The following TSPAN12 variants were observed in gnomAD, a reference collection of about 807,000 sequenced individuals.
The protein encoded by TSPAN12 is tetraspanin-12.
In TSPAN12, 19 loss-of-function variants were observed where a neutral mutation model predicts 39.2. The ratio of observed to expected loss-of-function variants is 0.49; its 90% CI spans 0.34 to 0.71. The LOEUF (loss-of-function observed/expected upper bound fraction) is 0.71. Ranked by LOEUF, TSPAN12 falls within the 30% of genes least tolerant of loss-of-function variation. The pLI, the probability that TSPAN12 is intolerant of heterozygous loss-of-function variation, is 0.01. For synonymous variants in TSPAN12, 119 were observed against 124.8 expected, an observed-to-expected ratio of 0.95 and a Z score of 0.31; for missense variants, 314 against 359.9, an observed-to-expected ratio of 0.87 and a Z score of 1.03.
chr7:120,841,911 C>G (rs984141634), intron 2 of TSPAN12, among the ~76,000 whole-genome samples: 5 of 152,220 alleles, frequency 3.3e-5, no homozygotes, highest in Middle Eastern at 3.4e-3. Context: ...AAGAAGTCTT[C>G]CTGGGAAGCT....
intron 4 of TSPAN12, among the ~76,000 whole-genome samples, chr7:120,824,450 A>AT (rs1316775403): frequency 6.6e-6 from 1 of 151,944 alleles, no homozygotes; most frequent in Non-Finnish European, 1.5e-5. Flanking sequence ...CAAAAAAAAA[A>AT]CAAAAACCTA....
At chr7:120,807,822 A>G (rs1281942404) in intron 6 of TSPAN12, among the ~76,000 whole-genome samples, 2 of 152,138 alleles carry the variant, frequency 1.3e-5, no homozygotes, top group African/African-American at 2.4e-5. Context: ...ATGACGAATT[A>G]CTGAAAGCTA....
chr7:120,837,223 T>A (rs1041646615), intron 4 of TSPAN12, among the ~76,000 whole-genome samples: 3 of 152,190 alleles, frequency 2.0e-5, no homozygotes, highest in Non-Finnish European at 2.9e-5. Context: ...ATTTCCACCA[T>A]TCTCCCTTTC....
At chr7:120,806,440 C>T in intron 7 of TSPAN12, 109 bp downstream of exon 7, 1 of 1,308,746 alleles carries the variant, frequency 7.6e-7, no homozygotes, top group Non-Finnish European at 1.1e-6. Flanking sequence ...ATTTTAAGGC[C>T]TTTTACATTT....
Position 120,788,533 on chromosome 7 carries a change from C to T in TSPAN12, c.*59G>A. 6.3e-7 allele frequency: 1 copy of T among 1,593,582 alleles called. No homozygotes were observed. Among genetic ancestry groups the T allele is most frequent in the African/African-American group, 1.3e-5 (1 of 74,522 alleles). On this transcript the variant is annotated 3_prime_UTR_variant, in exon 8 of 8. Transcript: ENST00000222747. ...ATATTTCTGAAACACATAGTATGTACTCAAAAATTCACAAGTCCAGTAAAA... is the reference window on the plus strand; with the variant it reads ...ATATTTCTGAAACACATAGTATGTATTCAAAAATTCACAAGTCCAGTAAAA...
At chr7:120,814,811 C>T (rs748747545) in intron 5 of TSPAN12, among the ~76,000 whole-genome samples, 5 of 152,096 alleles carry the variant, frequency 3.3e-5, no homozygotes, top group Non-Finnish European at 7.4e-5. Context: ...TGATGAATAG[C>T]TATTTTCAAG....
At chr7:120,831,195 A>C (rs561579128) in intron 4 of TSPAN12, among the ~76,000 whole-genome samples, 20 of 152,166 alleles carry the variant, frequency 1.3e-4, no homozygotes, top group African/African-American at 4.8e-4. Flanking sequence ...ACACTGTTTG[A>C]GTAAATATAA....
intron 6 of TSPAN12, 70 bp downstream of exon 6, chr7:120,810,393 G>T: frequency 1.0e-6 from 1 of 989,628 alleles, no homozygotes; most frequent in Non-Finnish European, 1.6e-6. Flanking sequence ...CAAAGCTAAA[G>T]CTTTAAACAT....
chr7:120,821,187 C>A (rs548520355), intron 4 of TSPAN12, among the ~76,000 whole-genome samples: 14 of 152,092 alleles, frequency 9.2e-5, no homozygotes, highest in African/African-American at 2.9e-4. Context: ...TATAGACCAA[C>A]TAAAACTTGT....
At chr7:120,830,353 CA>C (rs1463339576) in intron 4 of TSPAN12, among the ~76,000 whole-genome samples, 1 of 151,908 alleles carries the variant, frequency 6.6e-6, no homozygotes, top group African/African-American at 2.4e-5. Context: ...TAACCCTGAG[CA>C]AAAACAACAA....
rs577821546 is a variant in TSPAN12 at position 120,829,093 on chromosome 7, C to A, written c.285+9684G>T. Among the ~76,000 whole-genome samples the A allele has an allele frequency of 4.9e-4, 75 of 152,158 alleles. 1 individual carries two copies. Among genetic ancestry groups the A allele is most frequent in the African/African-American group, 1.6e-3 (65 of 41,538 alleles). ...AATAACCACTTATTTTAGAATAATT[C>A]AAATGCGCTGCTTAACAGAAATACA... On this transcript the variant is annotated intron_variant, in intron 4 of 7. Transcript: ENST00000222747.
At chr7:120,828,427 G>A (rs148268457) in intron 4 of TSPAN12, among the ~76,000 whole-genome samples, 585 of 152,194 alleles carry the variant, frequency 3.8e-3, no homozygotes, top group Non-Finnish European at 5.7e-3. Context: ...AGACATACAT[G>A]TGCCCTTCTC....
chr7:120,788,367 A>T lies in TSPAN12; in HGVS notation c.*225T>A. 1 of 562,570 alleles carries T rather than the reference A, an allele frequency of 1.8e-6. No homozygotes were observed. Among genetic ancestry groups the T allele is most frequent in the East Asian group, 3.2e-5 (1 of 31,522 alleles). 34.8% of individuals were successfully genotyped at this position (562,570 alleles called of 1,614,324 possible). A position where few individuals can be genotyped will look rare whatever the true frequency, so the allele number is the denominator to read the frequency against. The stretch of plus-strand genomic sequence containing the variant: ...GTCATACACAGGCTACACAGTGGGT[A>T]TGACATCTGTCTTCAGCATTTTAAG... On this transcript the variant is annotated 3_prime_UTR_variant, in exon 8 of 8. Coordinates refer to ENST00000222747, the MANE Select transcript of TSPAN12 (RefSeq NM_012338.4).
intron 2 of TSPAN12, among the ~76,000 whole-genome samples, chr7:120,853,346 C>A (rs945867919): frequency 1.3e-5 from 2 of 151,450 alleles, no homozygotes; most frequent in African/African-American, 4.8e-5. Context: ...CCTGCCTTGG[C>A]CTCCCAAAGT....
At chr7:120,853,588 T>C (rs963739237) in intron 2 of TSPAN12, among the ~76,000 whole-genome samples, 2 of 149,806 alleles carry the variant, frequency 1.3e-5, no homozygotes, top group Middle Eastern at 3.3e-3. Context: ...GAAAATTATA[T>C]TACAGGCCGG....
At chr7:120,828,356 T>C (rs1297359983) in intron 4 of TSPAN12, among the ~76,000 whole-genome samples, 3 of 152,138 alleles carry the variant, frequency 2.0e-5, no homozygotes, top group Non-Finnish European at 4.4e-5. Context: ...ATGCATGACA[T>C]TCAATTTGGC....
chr7:120,855,523 G>A (rs6958947), intron 2 of TSPAN12, among the ~76,000 whole-genome samples: 61,605 of 152,028 alleles, frequency 0.41, 15,094 homozygotes, highest in African/African-American at 0.69. Flanking sequence ...TAAAAATCAA[G>A]CTTTTAAGAA....
At chr7:120,842,166 G>A (rs1282867353) in intron 2 of TSPAN12, among the ~76,000 whole-genome samples, 1 of 152,140 alleles carries the variant, frequency 6.6e-6, no homozygotes, top group Non-Finnish European at 1.5e-5. Context: ...AACTCAGCTG[G>A]TGGCCATGAA....
At chr7:120,799,550 A>G (rs1341487707) in intron 7 of TSPAN12, among the ~76,000 whole-genome samples, 1 of 113,036 alleles carries the variant, frequency 8.8e-6, no homozygotes, top group East Asian at 2.2e-4. Context: ...ATAATTATAT[A>G]TATAATTAAA....
Sources: allele counts gnomAD v4.1 joint callset (sites outside exome capture counted in the v4.1 genomes callset), GRCh38; gene constraint gnomAD v4.1.1; transcripts MANE v1.5; gene names NCBI Gene and HGNC (gene_info 2026-07-23, HGNC 2026-07-21).